Variants in MYO1E observed in about 807,000 individuals in gnomAD.
MYO1E encodes myosin IE, also known as unconventional myosin-Ie.
MYO1E carries 68 observed loss-of-function variants against 151.1 expected under a neutral mutation model. The observed-to-expected ratio is 0.45, with a 90% CI of 0.37 to 0.55. The LOEUF (loss-of-function observed/expected upper bound fraction) is 0.55. Among genes scored for constraint, MYO1E ranks in the 20% least tolerant of loss-of-function variants. The probability of loss-of-function intolerance (pLI) is 0.00; values close to 1 mark genes in which losing one functional copy is unlikely to be tolerated. For synonymous variants in MYO1E, 601 were observed against 501.7 expected (o/e 1.20, Z -2.64); for missense variants, 1,363 against 1,389.3 (o/e 0.98, Z 0.30).
intron 4 of MYO1E, among the ~76,000 whole-genome samples, chr15:59,241,559 C>T (rs1473510750): frequency 1.3e-5 from 2 of 151,852 alleles, no homozygotes; most frequent in African/African-American, 4.8e-5. Flanking sequence ...AAAAATTAGC[C>T]AGGTGTGGTG....
intron 1 of MYO1E, among the ~76,000 whole-genome samples, chr15:59,318,018 A>G (rs1184725797): frequency 1.3e-5 from 2 of 152,214 alleles, no homozygotes; most frequent in African/African-American, 4.8e-5. Context: ...TCTCTAGTTC[A>G]GTGGGGCAGA....
intron 1 of MYO1E, among the ~76,000 whole-genome samples, chr15:59,349,644 T>G (rs1402661858): frequency 6.6e-6 from 1 of 152,184 alleles, no homozygotes; most frequent in East Asian, 1.9e-4. Flanking sequence ...CTGTTCTACA[T>G]GATGATGATA....
chr15:59,256,247 T>C lies in MYO1E; in HGVS notation c.332+37A>G, dbSNP rs566927807. 90 of 1,485,332 alleles carry C rather than the reference T, an allele frequency of 6.1e-5. No individual in the cohort carries two copies. The South Asian group carries it at 9.5e-4, about 16-fold the overall frequency. 92.0% of individuals were successfully genotyped at this position (1,485,332 alleles called of 1,614,324 possible). A position where few individuals can be genotyped will look rare whatever the true frequency, so the allele number is the denominator to read the frequency against. On this transcript the variant is annotated intron_variant, in intron 4 of 27. Coordinates refer to ENST00000288235, the MANE Select transcript of MYO1E (RefSeq NM_004998.4). Reference sequence around the variant, plus strand: ...AATCCATAACCACAGCATAGTCTCATATCTTCCACGCCCACTGATAAGGAT... The same window carrying C: ...AATCCATAACCACAGCATAGTCTCACATCTTCCACGCCCACTGATAAGGAT...
chr15:59,292,790 T>C (rs1351206227), intron 1 of MYO1E, among the ~76,000 whole-genome samples: 1 of 152,246 alleles, frequency 6.6e-6, no homozygotes, highest in Non-Finnish European at 1.5e-5. Context: ...GGGTCTTTCT[T>C]ATCTGAACAT....
chr15:59,327,688 T>C (rs1352162293), intron 1 of MYO1E, among the ~76,000 whole-genome samples: 1 of 152,090 alleles, frequency 6.6e-6, no homozygotes, highest in Non-Finnish European at 1.5e-5. Context: ...GAGAGACCAG[T>C]TAGGAATATC....
chr15:59,152,906 TC>T (rs2079490139), intron 26 of MYO1E, among the ~76,000 whole-genome samples: 1 of 152,204 alleles, frequency 6.6e-6, no homozygotes, highest in Non-Finnish European at 1.5e-5. Flanking sequence ...GCTACGTTCT[TC>T]CTTTTACTGG....
intron 1 of MYO1E, among the ~76,000 whole-genome samples, chr15:59,324,866 T>G (rs17269594): frequency 0.51 from 76,459 of 150,746 alleles, 24,080 homozygotes; most frequent in Non-Finnish European, 0.7. Context: ...CCAGATAGTC[T>G]CAACTACAAG....
At chr15:59,187,648 TATTC>T (rs1344727888) in intron 18 of MYO1E, among the ~76,000 whole-genome samples, 2 of 152,238 alleles carry the variant, frequency 1.3e-5, no homozygotes, top group East Asian at 3.8e-4. Context: ...ATAGCAGCAT[TATTC>T]ATAATAGCCA....
intron 26 of MYO1E, among the ~76,000 whole-genome samples, chr15:59,145,025 T>C (rs1468436590): frequency 6.6e-6 from 1 of 152,088 alleles, no homozygotes; most frequent in Non-Finnish European, 1.5e-5. Context: ...GTATTTTTAG[T>C]AGAGATGGGG....
intron 1 of MYO1E, among the ~76,000 whole-genome samples, chr15:59,281,427 T>A (rs2080352717): frequency 6.6e-6 from 1 of 151,830 alleles, no homozygotes; most frequent in East Asian, 1.9e-4. Context: ...AGGCGTGCAC[T>A]ACCACACCAA....
chr15:59,210,066 C>T (rs1458018308), intron 13 of MYO1E, among the ~76,000 whole-genome samples: 2 of 151,916 alleles, frequency 1.3e-5, no homozygotes, highest in East Asian at 1.9e-4. Context: ...TAGGGTTTCA[C>T]CATGTTGCTG....
chr15:59,143,750 C>G (rs1237528778), intron 26 of MYO1E, among the ~76,000 whole-genome samples: 1 of 152,214 alleles, frequency 6.6e-6, no homozygotes, highest in Non-Finnish European at 1.5e-5. Flanking sequence ...CATGGTGGCA[C>G]ACGCCTAAGG....
intron 1 of MYO1E, among the ~76,000 whole-genome samples, chr15:59,351,134 C>T (rs531285970): frequency 2.9e-4 from 44 of 152,266 alleles, no homozygotes; most frequent in African/African-American, 8.7e-4. Context: ...CTCCCGACCT[C>T]GTGATCGGCC....
chr15:59,367,473 T>C (rs561437312), intron 1 of MYO1E, among the ~76,000 whole-genome samples: 22 of 152,278 alleles, frequency 1.4e-4, no homozygotes, highest in African/African-American at 4.8e-4. Context: ...AAAGCTCAAT[T>C]TGCAGCCTCA....
At chr15:59,147,943 T>C (rs2079451940) in intron 26 of MYO1E, among the ~76,000 whole-genome samples, 1 of 151,988 alleles carries the variant, frequency 6.6e-6, no homozygotes, top group Non-Finnish European at 1.5e-5. Context: ...GAGATTTGAG[T>C]TCTTGAGAAT....
chr15:59,233,989 T>C (rs1467879463), intron 5 of MYO1E, among the ~76,000 whole-genome samples: 2 of 152,274 alleles, frequency 1.3e-5, no homozygotes, highest in African/African-American at 2.4e-5. Context: ...AGTAATTTCC[T>C]TTTTCTCTTT....
At chr15:59,243,115 T>C (rs889704736) in intron 4 of MYO1E, among the ~76,000 whole-genome samples, 4 of 151,006 alleles carry the variant, frequency 2.6e-5, no homozygotes, top group African/African-American at 9.7e-5. Flanking sequence ...TTTTTTTTTT[T>C]CAAATATAGA....
At position 59,153,651 on chromosome 15, in the gene MYO1E, G is replaced by A; in HGVS notation, c.3019C>T (p.Arg1007Ter). 1 of 1,614,144 alleles carries A rather than the reference G, an allele frequency of 6.2e-7. No homozygotes were observed. Among genetic ancestry groups the A allele is most frequent in the Non-Finnish European group, 8.5e-7 (1 of 1,180,028 alleles). Residue 1007 changes from arginine (R) to a stop codon, truncating the protein, a stop_gained, in exon 26 of 28, where the codon CGA becomes TGA. Transcript: ENST00000288235. LOFTEE classifies it high-confidence loss of function. ...AGGCTCTCTGGCGTCTGTGACACTC[G>A]GTCTGAACTGGTAGACTGCTGCCGA... Reference protein sequence around the residue: ...LPRQQSTSSDRVSQTPESLDF... With the variant: ...LPRQQSTSSD
intron 1 of MYO1E, among the ~76,000 whole-genome samples, chr15:59,353,781 GAAA>G (rs2080838572): frequency 2.0e-5 from 3 of 147,240 alleles, no homozygotes; most frequent in African/African-American, 7.5e-5. Context: ...AACAAAGAAA[GAAA>G]AAAACGCAAA....
Sources: gnomAD v4.1 joint callset for allele counts (sites outside exome capture counted in the v4.1 genomes callset) on GRCh38, gnomAD v4.1.1 for gene constraint, MANE v1.5 for transcripts, NCBI Gene and HGNC (gene_info 2026-07-23, HGNC 2026-07-21) for gene names.